The following FAM3D variants were observed in gnomAD, a reference collection of about 807,000 sequenced individuals.
The protein encoded by FAM3D is FAM3 metabolism regulating signaling molecule D.
FAM3D carries 26 observed loss-of-function variants against 29.8 expected under a neutral mutation model. The observed-to-expected ratio is 0.87, with a 90% confidence interval of 0.64 to 1.21. The LOEUF is 1.21. Ranked by LOEUF, FAM3D falls within the 50% of genes most tolerant of loss-of-function variation. FAM3D has a pLI of 0.00. For synonymous variants in FAM3D, 115 were observed against 102.3 expected (o/e 1.12, Z -0.75); for missense variants, 253 against 290.9 (o/e 0.87, Z 0.95).
chr3:58,657,764 C>G (rs1449429762), intron 1 of FAM3D: 1 of 152,362 alleles, frequency 6.6e-6, no homozygotes, highest in Admixed American at 6.5e-5. Context: ...GGGCCCAGGA[C>G]TGGCCTGCTG....
intron 2 of FAM3D, among the ~76,000 whole-genome samples, chr3:58,654,772 C>T (rs964401224): frequency 7.9e-5 from 12 of 152,098 alleles, no homozygotes; most frequent in South Asian, 4.2e-4. Context: ...GAAGGCCCGC[C>T]GGGTCCTGTG....
intron 3 of FAM3D, among the ~76,000 whole-genome samples, chr3:58,653,371 C>G (rs2066701893): frequency 6.6e-6 from 1 of 152,194 alleles, no homozygotes; most frequent in Non-Finnish European, 1.5e-5. Flanking sequence ...CACCTCCCTT[C>G]CTTCTGTTCT....
Position 58,665,748 on chromosome 3 carries a change from G to A in FAM3D, c.-39+828C>T, listed in dbSNP as rs111373534. On this transcript the variant is annotated intron_variant, in intron 1 of 9. Transcript: ENST00000358781. The stretch of plus-strand genomic sequence containing the variant: ...AAATCTCTCACTGCCTTGGCTCTCC[G>A]TCTGCAGAGTGGGAATAATCATGGT... Among the ~76,000 whole-genome samples, 492 of 152,340 alleles carry A rather than the reference G, an allele frequency of 3.2e-3. 6 individuals are homozygous for A. The highest frequency in any genetic ancestry group is 0.011 in the African/African-American group (464 of 41,572).
At chr3:58,655,061 C>A (rs2066752633) in intron 2 of FAM3D, among the ~76,000 whole-genome samples, 1 of 142,866 alleles carries the variant, frequency 7.0e-6, no homozygotes, top group Admixed American at 6.7e-5. Context: ...GGGGTTTACA[C>A]CCAGAGAAGT....
intron 1 of FAM3D, among the ~76,000 whole-genome samples, chr3:58,663,222 T>C (rs1446734206): frequency 6.6e-6 from 1 of 152,248 alleles, no homozygotes; most frequent in Non-Finnish European, 1.5e-5. Flanking sequence ...TTTGAAGGAC[T>C]TTCCAGGAGA....
At chr3:58,648,660 C>T (rs1039190910) in intron 4 of FAM3D, among the ~76,000 whole-genome samples, 4 of 152,218 alleles carry the variant, frequency 2.6e-5, no homozygotes, top group Non-Finnish European at 4.4e-5. Flanking sequence ...CTAGTACCAT[C>T]ATCACAGCTC....
Position 58,634,951 on chromosome 3 carries a change from G to A in FAM3D, c.586-583C>T, listed in dbSNP as rs1277546470. ...AGCACTTTGGGAGGGTAAGGAAGGA[G>A]GGTCACTTGAGGCCAGGAGTTCAAG... is the stretch of plus-strand genomic sequence containing the variant. On this transcript the variant is annotated intron_variant, in intron 9 of 9. Coordinates refer to ENST00000358781, the MANE Select transcript of FAM3D (RefSeq NM_138805.3). This position sits in a 1 kb window ranked among gnomAD's most constrained non-coding sequence, Gnocchi z 4.6. 6.6e-6 allele frequency among the ~76,000 whole-genome samples: 1 copy of A among 152,122 alleles called. No homozygotes were observed. Among genetic ancestry groups the A allele is most frequent in the African/African-American group, 2.4e-5 (1 of 41,418 alleles).
In FAM3D at chr3:58,637,243, A is replaced by G. The variant is rs975347694; in HGVS notation, c.374-18T>C. 1.3e-6 allele frequency: 2 copies of G among 1,599,360 alleles called. No homozygotes were observed. The highest frequency in any genetic ancestry group is 1.7e-6 in the Non-Finnish European group (2 of 1,171,046). Reference sequence around the variant, plus strand: ...CATAACATCTGGGGGAGGAAGGAAAAGGTGCTGGTGATTTAGGGGAAATGA... The same window carrying G: ...CATAACATCTGGGGGAGGAAGGAAAGGGTGCTGGTGATTTAGGGGAAATGA... On this transcript the variant is annotated intron_variant, in intron 7 of 9. Transcript: ENST00000358781.
chr3:58,652,607 C>T (rs542891605), intron 3 of FAM3D, among the ~76,000 whole-genome samples: 29 of 151,922 alleles, frequency 1.9e-4, no homozygotes, highest in African/African-American at 6.0e-4. Flanking sequence ...ACCCATCCAC[C>T]CATCCATCTA....
intron 6 of FAM3D, among the ~76,000 whole-genome samples, chr3:58,641,576 C>T (rs1412788693): frequency 1.3e-5 from 2 of 152,076 alleles, no homozygotes; most frequent in African/African-American, 4.8e-5. Flanking sequence ...CACTGTTACT[C>T]AGGCTGTTCT....
At position 58,645,601 on chromosome 3, in the gene FAM3D, G is replaced by A. The variant is rs1486155702; in HGVS notation, c.171C>T (p.Leu57=). The A allele has an allele frequency of 6.2e-7, 1 of 1,614,214 alleles. No individual in the cohort carries two copies. ...EIQVKKYKCG[L]IKPCPANYFA... ...AGTAGTTGGCTGGGCAGGGCTTGAT[G>A]AGGCCACACTTGTACTTTTTAACCT... Residue 57 remains leucine (L), a synonymous_variant, in exon 5 of 10, where the codon CTC becomes CTT. Coordinates refer to ENST00000358781, the MANE Select transcript of FAM3D (RefSeq NM_138805.3).
intron 7 of FAM3D, among the ~76,000 whole-genome samples, chr3:58,639,402 G>A (rs1026454131): frequency 2.0e-5 from 3 of 152,184 alleles, no homozygotes; most frequent in African/African-American, 7.2e-5. Flanking sequence ...AGGTCATGCC[G>A]CCAGTAGTCT....
At chr3:58,665,634 T>G (rs770463908) in intron 1 of FAM3D, among the ~76,000 whole-genome samples, 1 of 152,320 alleles carries the variant, frequency 6.6e-6, no homozygotes, top group South Asian at 2.1e-4. Context: ...CTTCCAGCCA[T>G]GGACTCAGAA....
At chr3:58,650,134 C>G (rs1191404428) in intron 3 of FAM3D, among the ~76,000 whole-genome samples, 3 of 152,218 alleles carry the variant, frequency 2.0e-5, no homozygotes, top group Non-Finnish European at 4.4e-5. Flanking sequence ...TCCCACCACG[C>G]CAGCAGTGAC....
In FAM3D at chr3:58,634,847, T is replaced by C. The variant is rs966358516; in HGVS notation, c.586-479A>G. The stretch of plus-strand genomic sequence containing the variant: ...GTCACTGCCCGTAGTCACTGGCTGG[T>C]AAGTGGCAGAACCACCACATAATAT... On this transcript the variant is annotated intron_variant, in intron 9 of 9. Transcript: ENST00000358781. The surrounding 1 kb of genome is among the most constrained non-coding windows in gnomAD (Gnocchi z 4.6). 6.6e-6 allele frequency among the ~76,000 whole-genome samples: 1 copy of C among 152,028 alleles called. No individual in the cohort carries two copies. The highest frequency in any genetic ancestry group is 1.5e-5 in the Non-Finnish European group (1 of 68,004).
In FAM3D at chr3:58,635,521, C is replaced by T. The variant is rs139347959; in HGVS notation, c.585+773G>A. On this transcript the variant is annotated intron_variant, in intron 9 of 9. Transcript: ENST00000358781. The surrounding 1 kb of genome is among the most constrained non-coding windows in gnomAD (Gnocchi z 5.2). The stretch of plus-strand genomic sequence containing the variant: ...CTCTGTCTTGCCGGTTCCCCTGGGT[C>T]TGGAGCCCACGCTTTGGGGCAGGAA... Among the ~76,000 whole-genome samples the T allele has an allele frequency of 9.8e-5, 15 of 152,306 alleles. No individual in the cohort carries two copies. Among genetic ancestry groups the T allele is most frequent in the African/African-American group, 3.6e-4 (15 of 41,570 alleles).
intron 7 of FAM3D, among the ~76,000 whole-genome samples, chr3:58,639,848 G>A (rs2106738782): frequency 1.3e-5 from 2 of 152,332 alleles, no homozygotes; most frequent in Admixed American, 1.3e-4. Context: ...CAGGGTTCCA[G>A]CTGCCCATCT....
In FAM3D at chr3:58,637,053, T is replaced by C. The variant is rs2066190847; in HGVS notation, c.458+88A>G. 10 of 1,147,730 alleles carry C rather than the reference T, an allele frequency of 8.7e-6. No individual in the cohort carries two copies. The South Asian group carries it at 1.2e-4, about 14-fold the overall frequency. 71.1% of individuals were successfully genotyped at this position (1,147,730 alleles called of 1,614,324 possible). On this transcript the variant is annotated intron_variant, in intron 8 of 9. Transcript: ENST00000358781. Reference sequence around the variant, plus strand: ...GAGATAAGTTGCCAGAAAATGGATCTGGCAAAAGAGCAGAAAAGGGTGTGC... The same window carrying C: ...GAGATAAGTTGCCAGAAAATGGATCCGGCAAAAGAGCAGAAAAGGGTGTGC...
At chr3:58,661,193 G>T (rs2066922075) in intron 1 of FAM3D, among the ~76,000 whole-genome samples, 1 of 152,198 alleles carries the variant, frequency 6.6e-6, no homozygotes, top group Non-Finnish European at 1.5e-5. Flanking sequence ...GCCCACCTGT[G>T]CCCTGGGTGT....
Sources: allele counts gnomAD v4.1 joint callset (sites outside exome capture counted in the v4.1 genomes callset), GRCh38; gene constraint gnomAD v4.1.1; non-coding constraint Gnocchi (gnomAD v3.1); transcripts MANE v1.5; gene names NCBI Gene and HGNC (gene_info 2026-07-23, HGNC 2026-07-21).